SENP7: variants seen among roughly 807,000 people sequenced by gnomAD.
The protein encoded by SENP7 is sentrin-specific protease 7.
Under a neutral mutation model 141.2 loss-of-function variants are expected in SENP7, and 64 were observed. The observed-to-expected ratio is 0.45, with a 90% CI of 0.37 to 0.56. The LOEUF is 0.56. SENP7 is among the 20% of genes least tolerant of loss of function. The probability of loss-of-function intolerance (pLI) is 0.00; values close to 1 mark genes in which losing one functional copy is unlikely to be tolerated. For synonymous variants in SENP7, 382 were observed against 426.4 expected (o/e 0.90, Z 1.28); for missense variants, 1,025 against 1,212.2 (o/e 0.85, Z 2.29).
intron 3 of SENP7, among the ~76,000 whole-genome samples, chr3:101,473,790 T>C (rs2064108109): frequency 6.6e-6 from 1 of 152,224 alleles, no homozygotes; most frequent in Admixed American, 6.5e-5. Context: ...TTTGGTATCT[T>C]TATCATGAAA....
chr3:101,345,969 G>C (rs2059443829), intron 13 of SENP7, among the ~76,000 whole-genome samples: 1 of 152,140 alleles, frequency 6.6e-6, no homozygotes, highest in Non-Finnish European at 1.5e-5. Flanking sequence ...ACAGTCAGCA[G>C]AGTAAATAGA....
chr3:101,398,274 A>T (rs370063551), intron 6 of SENP7, among the ~76,000 whole-genome samples: 1 of 152,168 alleles, frequency 6.6e-6, no homozygotes, highest in Non-Finnish European at 1.5e-5. Context: ...CCTGGCTAAC[A>T]CGGTGAAACC....
chr3:101,332,225 C>T, intron 18 of SENP7, 116 bp from the exon 19 acceptor site: 2 of 984,070 alleles, frequency 2.0e-6, no homozygotes, highest in Admixed American at 2.7e-5. Context: ...TGAAGACATC[C>T]ACTGTAACAT....
At chr3:101,377,040 GAAGTA>G (rs1250307941) in intron 6 of SENP7, among the ~76,000 whole-genome samples, 1 of 151,984 alleles carries the variant, frequency 6.6e-6, no homozygotes, top group African/African-American at 2.4e-5. Flanking sequence ...CTTGAGAATG[GAAGTA>G]AAGAAATTAT....
chr3:101,355,155 T>C (rs1228146240), intron 11 of SENP7, among the ~76,000 whole-genome samples: 2 of 152,158 alleles, frequency 1.3e-5, no homozygotes, highest in South Asian at 4.1e-4. Context: ...TTTCCTCCCA[T>C]TCTGTAGGTT....
chr3:101,498,874 G>A (rs2065261220), intron 2 of SENP7, among the ~76,000 whole-genome samples: 1 of 152,136 alleles, frequency 6.6e-6, no homozygotes, highest in Non-Finnish European at 1.5e-5. Context: ...CTCCTCATGA[G>A]AACCCAATGC....
intron 3 of SENP7, among the ~76,000 whole-genome samples, chr3:101,490,933 A>C (rs2064941268): frequency 6.6e-6 from 1 of 152,200 alleles, no homozygotes; most frequent in Non-Finnish European, 1.5e-5. Flanking sequence ...GACATATGCC[A>C]CTTCCAATCT....
intron 3 of SENP7, among the ~76,000 whole-genome samples, chr3:101,486,175 G>A (rs1388192642): frequency 1.3e-5 from 2 of 152,152 alleles, no homozygotes; most frequent in African/African-American, 4.8e-5. Flanking sequence ...CTAAAAGCTT[G>A]GAAAACATAT....
At chr3:101,395,619 T>C (rs1219477675) in intron 6 of SENP7, among the ~76,000 whole-genome samples, 1 of 152,228 alleles carries the variant, frequency 6.6e-6, no homozygotes, top group Non-Finnish European at 1.5e-5. Flanking sequence ...ATTTGGGCTC[T>C]TTTTTAATTC....
intron 11 of SENP7, among the ~76,000 whole-genome samples, chr3:101,353,414 A>C (rs9875156): frequency 0.4 from 60,358 of 151,584 alleles, 12,534 homozygotes; most frequent in Admixed American, 0.54. Context: ...AAATGTTTCT[A>C]CTTGGCAAGG....
intron 3 of SENP7, among the ~76,000 whole-genome samples, chr3:101,477,921 A>T (rs1382727165): frequency 6.6e-6 from 1 of 152,080 alleles, no homozygotes; most frequent in Non-Finnish European, 1.5e-5. Context: ...GAAAGACTAA[A>T]AATATAATAC....
intron 6 of SENP7, among the ~76,000 whole-genome samples, chr3:101,386,643 C>T (rs926908578): frequency 6.6e-6 from 1 of 152,198 alleles, no homozygotes; most frequent in African/African-American, 2.4e-5. Flanking sequence ...GGCCAGATCC[C>T]CAGCACTCTA....
At chr3:101,445,639 C>T (rs1031794388) in intron 4 of SENP7, among the ~76,000 whole-genome samples, 1 of 151,962 alleles carries the variant, frequency 6.6e-6, no homozygotes, top group Non-Finnish European at 1.5e-5. Context: ...CAAGACCAAA[C>T]TATACTCTTC....
chr3:101,451,451 T>C (rs2063131289), intron 4 of SENP7, among the ~76,000 whole-genome samples: 1 of 152,036 alleles, frequency 6.6e-6, no homozygotes, highest in Non-Finnish European at 1.5e-5. Flanking sequence ...TGAACAGCAA[T>C]GCAAAAATCC....
chr3:101,382,310 A>T (rs2060525108), intron 6 of SENP7, among the ~76,000 whole-genome samples: 1 of 152,050 alleles, frequency 6.6e-6, no homozygotes, highest in Non-Finnish European at 1.5e-5. Context: ...CTTAGTAGAT[A>T]GGACTACAGG....
intron 2 of SENP7, among the ~76,000 whole-genome samples, chr3:101,499,102 G>C (rs1054983597): frequency 6.6e-6 from 1 of 152,068 alleles, no homozygotes; most frequent in Non-Finnish European, 1.5e-5. Flanking sequence ...CAGGAACTCT[G>C]TAAAATTTCT....
intron 6 of SENP7, among the ~76,000 whole-genome samples, chr3:101,376,836 G>A (rs932567914): frequency 6.6e-6 from 1 of 151,936 alleles, no homozygotes; most frequent in Non-Finnish European, 1.5e-5. Context: ...ACAAAGCTGG[G>A]AAACAAAGCT....
chr3:101,383,640 C>G (rs1222037640), intron 6 of SENP7, among the ~76,000 whole-genome samples: 1 of 152,248 alleles, frequency 6.6e-6, no homozygotes, highest in African/African-American at 2.4e-5. Context: ...CTGTCACAAC[C>G]TGGCCAGGTG....
intron 6 of SENP7, among the ~76,000 whole-genome samples, chr3:101,397,257 A>G (rs1245402867): frequency 6.6e-6 from 1 of 152,110 alleles, no homozygotes; most frequent in Non-Finnish European, 1.5e-5. Flanking sequence ...TCAGCCTCCC[A>G]AGTAGCTGAG....
Sources: gnomAD v4.1 joint callset for allele counts (sites outside exome capture counted in the v4.1 genomes callset) on GRCh38, gnomAD v4.1.1 for gene constraint, MANE v1.5 for transcripts, NCBI Gene and HGNC (gene_info 2026-07-23, HGNC 2026-07-21) for gene names.